Variants in AFF3 observed in about 807,000 individuals in gnomAD.
The protein encoded by AFF3 is AF4/FMR2 family member 3.
A neutral mutation model predicts 129.7 loss-of-function variants in AFF3; 32 were observed. That is an observed-to-expected ratio of 0.25 (90% CI 0.19 to 0.33). The LOEUF (loss-of-function observed/expected upper bound fraction) is 0.33. Among genes scored for constraint, AFF3 ranks in the 10% least tolerant of loss-of-function variants. AFF3 has a pLI of 1.00. For synonymous variants in AFF3, 644 were observed against 635.4 expected, an observed-to-expected ratio of 1.01 and a Z score of -0.20; for missense variants, 1,373 against 1,592.0, an observed-to-expected ratio of 0.86 and a Z score of 2.34.
chr2:99,601,653 G>A (rs770667570), intron 13 of AFF3, 32 bp from the exon 14 acceptor site: 16 of 1,577,064 alleles, frequency 1.0e-5, no homozygotes, highest in Non-Finnish European at 4.3e-6. Context: ...GGGAAGCAGA[G>A]GGAAGGAAAG....
chr2:99,986,240 T>C (rs1409625553), intron 7 of AFF3, among the ~76,000 whole-genome samples: 3 of 144,876 alleles, frequency 2.1e-5, no homozygotes, highest in African/African-American at 7.8e-5. Context: ...ATAATAATAA[T>C]AATAATAATA....
chr2:99,901,287 TG>T (rs2106144555), intron 7 of AFF3, among the ~76,000 whole-genome samples: 1 of 152,338 alleles, frequency 6.6e-6, no homozygotes, highest in East Asian at 1.9e-4. Flanking sequence ...TTCTCTACCA[TG>T]GATCTCCTCT....
chr2:99,976,798 G>GTT (rs3073411), intron 7 of AFF3, among the ~76,000 whole-genome samples: 20 of 132,286 alleles, frequency 1.5e-4, no homozygotes, highest in East Asian at 4.5e-4. Flanking sequence ...TTTTGTTCCT[G>GTT]TTTTTTTTTT....
chr2:100,099,238 T>G (rs988062759), intron 4 of AFF3, among the ~76,000 whole-genome samples: 2 of 151,486 alleles, frequency 1.3e-5, no homozygotes, highest in East Asian at 3.9e-4. Context: ...TTTGCTTTAC[T>G]GCAGCTGGAG....
intron 7 of AFF3, among the ~76,000 whole-genome samples, chr2:99,914,701 G>T (rs570443527): frequency 6.6e-6 from 1 of 152,020 alleles, no homozygotes; most frequent in African/African-American, 2.4e-5. Context: ...GGATCACAAG[G>T]TCGGGAGTTT....
chr2:99,950,028 ACT>A (rs1559002608), intron 7 of AFF3, among the ~76,000 whole-genome samples: 1 of 152,104 alleles, frequency 6.6e-6, no homozygotes, highest in African/African-American at 2.4e-5. Flanking sequence ...AAATCACTCT[ACT>A]CTTCTATTTT....
At chr2:99,992,419 T>C (rs1413700857) in intron 7 of AFF3, among the ~76,000 whole-genome samples, 5 of 152,238 alleles carry the variant, frequency 3.3e-5, no homozygotes, top group Non-Finnish European at 7.3e-5. Context: ...CCACTTATTA[T>C]CCAAAGACGT....
At chr2:99,724,194 A>AC (rs948526701) in intron 11 of AFF3, among the ~76,000 whole-genome samples, 1 of 139,072 alleles carries the variant, frequency 7.2e-6, no homozygotes, top group Non-Finnish European at 1.5e-5. Flanking sequence ...TGAGACCCAC[A>AC]CCCCCTCTTG....
chr2:99,821,753 T>A (rs1432102132), intron 8 of AFF3, among the ~76,000 whole-genome samples: 1 of 152,188 alleles, frequency 6.6e-6, no homozygotes, highest in Non-Finnish European at 1.5e-5. Context: ...AGGCAGTGAG[T>A]AATGCCTTGT....
intron 10 of AFF3, among the ~76,000 whole-genome samples, chr2:99,730,312 C>A (rs957548534): frequency 6.6e-6 from 1 of 152,102 alleles, no homozygotes; most frequent in Non-Finnish European, 1.5e-5. Context: ...GTACAGAGGA[C>A]TTCTATGTTG....
intron 4 of AFF3, among the ~76,000 whole-genome samples, chr2:100,016,017 GGTA>G (rs1245225901): frequency 7.7e-5 from 11 of 142,988 alleles, no homozygotes; most frequent in Middle Eastern, 3.5e-3. Flanking sequence ...AAGGTGTTGT[GGTA>G]GTGGTGGTGG....
In AFF3 at chr2:99,551,156, GTGT is replaced by G. The variant is rs1674376656; in HGVS notation, c.*315_*317del. 2.1e-5 allele frequency: 3 copies of G among 141,116 alleles called. No homozygotes were observed. Among genetic ancestry groups the G allele is most frequent in the Non-Finnish European group, 5.0e-5 (3 of 60,012 alleles). 8.7% of individuals were successfully genotyped at this position (141,116 alleles called of 1,614,324 possible). The stretch of plus-strand genomic sequence containing the variant: ...CTGTGATTGTGTGTGAGTGTACGGT[GTGT>G]GTGTGTGTGTGTGTGTGTGTGTGTA... On this transcript the variant is annotated 3_prime_UTR_variant, in exon 25 of 25. Coordinates refer to ENST00000672756, the MANE Select transcript of AFF3 (RefSeq NM_001386135.1).
At chr2:99,991,015 C>A (rs552478800) in intron 7 of AFF3, among the ~76,000 whole-genome samples, 2 of 152,182 alleles carry the variant, frequency 1.3e-5, no homozygotes, top group East Asian at 1.9e-4. Flanking sequence ...TCAAATGAGG[C>A]CCCGCTGCAT....
intron 21 of AFF3, among the ~76,000 whole-genome samples, chr2:99,560,118 C>T (rs1180479859): frequency 3.9e-5 from 6 of 152,194 alleles, no homozygotes; most frequent in African/African-American, 1.2e-4. Context: ...AAAATTAGGC[C>T]GGGCACAGTG....
chr2:99,980,819 G>T (rs1679332418), intron 7 of AFF3, among the ~76,000 whole-genome samples: 1 of 152,080 alleles, frequency 6.6e-6, no homozygotes, highest in Non-Finnish European at 1.5e-5. Context: ...AGTAATTCAG[G>T]TTCACTGTAA....
intron 13 of AFF3, among the ~76,000 whole-genome samples, chr2:99,646,553 T>C (rs969892985): frequency 1.3e-5 from 2 of 152,162 alleles, no homozygotes; most frequent in Non-Finnish European, 2.9e-5. Context: ...GAATGTATAA[T>C]AGGTTAATAC....
chr2:99,964,937 CA>C (rs1435794987), intron 7 of AFF3, among the ~76,000 whole-genome samples: 2 of 152,144 alleles, frequency 1.3e-5, no homozygotes, highest in African/African-American at 4.8e-5. Context: ...TGTGACTCTA[CA>C]ATGATCTCAA....
At chr2:99,754,170 T>A (rs182727110) in intron 8 of AFF3, among the ~76,000 whole-genome samples, 5 of 152,344 alleles carry the variant, frequency 3.3e-5, no homozygotes, top group Admixed American at 2.6e-4. Context: ...TTTTCATTAC[T>A]GGAGAGGATA....
At chr2:99,976,816 T>C (rs1422347891) in intron 7 of AFF3, among the ~76,000 whole-genome samples, 1 of 150,088 alleles carries the variant, frequency 6.7e-6, no homozygotes. Flanking sequence ...TTTTTTTTCC[T>C]AAAAAAGGCT....
Sources: gnomAD v4.1 joint callset for allele counts (sites outside exome capture counted in the v4.1 genomes callset) on GRCh38, gnomAD v4.1.1 for gene constraint, MANE v1.5 for transcripts, NCBI Gene and HGNC (gene_info 2026-07-23, HGNC 2026-07-21) for gene names.